The following TSPAN2 variants were observed in gnomAD, a reference collection of about 807,000 sequenced individuals.
TSPAN2 encodes the protein tetraspanin 2.
TSPAN2 carries 24 observed loss-of-function variants against 33.3 expected under a neutral mutation model. The ratio of observed to expected loss-of-function variants is 0.72; its 90% CI spans 0.52 to 1.01. The LOEUF is 1.01. Ranked by LOEUF, TSPAN2 falls within the 50% of genes least tolerant of loss-of-function variation. The pLI, the probability that TSPAN2 is intolerant of heterozygous loss-of-function variation, is 0.00. For missense variants in TSPAN2, 278 were observed against 281.3 expected, an observed-to-expected ratio of 0.99 and a Z score of 0.08; for synonymous variants, 114 against 104.5, an observed-to-expected ratio of 1.09 and a Z score of -0.56.
Position 115,064,415 on chromosome 1 carries a change from T to C in TSPAN2, c.173-2183A>G, listed in dbSNP as rs544504917. Among the ~76,000 whole-genome samples, 12 of 152,360 alleles carry C rather than the reference T, an allele frequency of 7.9e-5. No individual in the cohort carries two copies. The East Asian group carries it at 2.3e-3, about 29-fold the overall frequency. On this transcript the variant is annotated intron_variant, in intron 2 of 7. Transcript: ENST00000369516. ...CTACATGATGCCGTTTGCAGATCTA[T>C]CATGAAGTCACAGCCTACAGAACAG...
rs766937247 is a variant in TSPAN2 at position 115,089,427 on chromosome 1, C to T, written c.6G>A (p.Gly2=). 1 of 1,572,242 alleles carries T rather than the reference C, an allele frequency of 6.4e-7. No individual in the cohort carries two copies. M[G]RFRGGLRCIK... The stretch of plus-strand genomic sequence containing the variant: ...TGCACCGCAGGCCCCCGCGGAAGCG[C>T]CCCATGCTGCGGCCCGGCGGCGGGA... The change falls in exon 1 of 8, where the codon GGG becomes GGA. Residue 2 remains glycine (G), a synonymous_variant. Transcript: ENST00000369516.
rs577501683 is a variant in TSPAN2, at chr1:115,048,628, G to A, written c.*1862C>T. 13 of 152,108 alleles carry A rather than the reference G, an allele frequency of 8.5e-5. No individual in the cohort carries two copies. Among genetic ancestry groups the A allele is most frequent in the African/African-American group, 1.7e-4 (7 of 41,538 alleles). 9.4% of individuals were successfully genotyped at this position (152,108 alleles called of 1,614,324 possible). Reference sequence around the variant, plus strand: ...GATGATTCTGAGTTGGAAAGAACCCGAGTATGCACTTGGGCCTGTTTCCTG... The same window carrying A: ...GATGATTCTGAGTTGGAAAGAACCCAAGTATGCACTTGGGCCTGTTTCCTG... On this transcript the variant is annotated 3_prime_UTR_variant, in exon 8 of 8. Coordinates refer to ENST00000369516, the MANE Select transcript of TSPAN2 (RefSeq NM_005725.6).
chr1:115,049,901 G>C lies in TSPAN2; in HGVS notation c.*589C>G, dbSNP rs1344583658. On this transcript the variant is annotated 3_prime_UTR_variant, in exon 8 of 8. Coordinates refer to ENST00000369516, the MANE Select transcript of TSPAN2 (RefSeq NM_005725.6). ...TTTCCATGCTATATTTAGTTTTACA[G>C]ATGTGTTTAGTTCTAAAACTGTGGT... 6.6e-6 allele frequency: 1 copy of C among 152,592 alleles called. No homozygotes were observed. Among genetic ancestry groups the C allele is most frequent in the Non-Finnish European group, 1.5e-5 (1 of 68,064 alleles). The allele number at this position is 152,592 out of a possible 1,614,324, so 9.5% of individuals were successfully genotyped here. A position where few individuals can be genotyped will look rare whatever the true frequency, so the allele number is the denominator to read the frequency against.
chr1:115,089,295 G>C (rs1470549358), intron 1 of TSPAN2, 69 bp downstream of exon 1: 8 of 1,397,436 alleles, frequency 5.7e-6, no homozygotes, highest in South Asian at 2.6e-5. Context: ...TCAGCAGCTC[G>C]GGGACCCCGG....
intron 1 of TSPAN2, 49 bp downstream of exon 1, chr1:115,089,315 C>CCCCCCCCCGCCCCCA: frequency 3.5e-6 from 5 of 1,435,380 alleles, no homozygotes; most frequent in Non-Finnish European, 4.7e-6. Flanking sequence ...GCCCCGCGCC[C>CCCCCCCCCGCCCCCA]GCCACCCGGC....
In TSPAN2 at chr1:115,086,716, C is replaced by T. The variant is rs114220646; in HGVS notation, c.69+2648G>A. 8.5e-3 allele frequency among the ~76,000 whole-genome samples: 1,287 copies of T among 152,300 alleles called. 20 individuals are homozygous for T. The highest frequency in any genetic ancestry group is 0.029 in the African/African-American group (1,207 of 41,570). Reference sequence around the variant, plus strand: ...TGTGTTGTTCCATATCCACTGGTCTCGTTTCCTCAATGAGATGAGCAGCTT... The same window carrying T: ...TGTGTTGTTCCATATCCACTGGTCTTGTTTCCTCAATGAGATGAGCAGCTT... On this transcript the variant is annotated intron_variant, in intron 1 of 7. Coordinates refer to ENST00000369516, the MANE Select transcript of TSPAN2 (RefSeq NM_005725.6).
intron 1 of TSPAN2, among the ~76,000 whole-genome samples, chr1:115,085,940 A>T (rs1170755519): frequency 6.6e-6 from 1 of 152,212 alleles, no homozygotes; most frequent in Non-Finnish European, 1.5e-5. Flanking sequence ...CAGAAAAAAC[A>T]AAATTCCTGC....
Position 115,053,444 on chromosome 1 carries a change from C to G in TSPAN2, c.535G>C (p.Glu179Gln). Residue 179 changes from glutamate to glutamine, a missense_variant, in exon 7 of 8, where the codon GAG (glutamate) becomes CAG (glutamine). Glu to Gln is a conservative substitution (Grantham distance 29). Transcript: ENST00000369516. ...TGGAGCTTAACACTGATTATGGTCT[C>G]AATTTCATCGATGCAATTCTGTTTT... The part of the protein sequence containing the change: ...LGHKNCIDEI[E>Q]TIISVKLQLI... 4 of 1,613,840 alleles carry G rather than the reference C, an allele frequency of 2.5e-6. No homozygotes were observed. The highest frequency in any genetic ancestry group is 1.3e-5 in the African/African-American group (1 of 75,014).
intron 5 of TSPAN2, chr1:115,058,096 G>C (rs535738125): frequency 6.0e-6 from 1 of 167,964 alleles, no homozygotes; most frequent in Admixed American, 5.7e-5. Flanking sequence ...TCCTGCTTAG[G>C]CTAGCTGGCC....
intron 2 of TSPAN2, among the ~76,000 whole-genome samples, chr1:115,067,567 G>A (rs943750199): frequency 6.6e-6 from 1 of 152,150 alleles, no homozygotes; most frequent in Non-Finnish European, 1.5e-5. Context: ...AAAAAAATAT[G>A]ACCAGCGTGA....
intron 6 of TSPAN2, among the ~76,000 whole-genome samples, 197 bp downstream of exon 6, chr1:115,057,340 C>G (rs903692075): frequency 2.0e-5 from 3 of 152,234 alleles, no homozygotes; most frequent in Non-Finnish European, 4.4e-5. Context: ...TCTTTAACAT[C>G]TCTTGCTAAC....
intron 2 of TSPAN2, among the ~76,000 whole-genome samples, chr1:115,065,400 A>G (rs1165242637): frequency 6.6e-6 from 1 of 152,192 alleles, no homozygotes; most frequent in Admixed American, 6.5e-5. Flanking sequence ...CCACAGGAGC[A>G]GGTGTGACAA....
chr1:115,088,191 G>T (rs1648918286), intron 1 of TSPAN2, among the ~76,000 whole-genome samples: 1 of 152,194 alleles, frequency 6.6e-6, no homozygotes, highest in African/African-American at 2.4e-5. Flanking sequence ...GAAGAGCTTG[G>T]AGTTGCTGAA....
intron 1 of TSPAN2, 83 bp from the exon 2 acceptor site, chr1:115,073,090 CT>C (rs1419051083): frequency 8.7e-7 from 1 of 1,155,622 alleles, no homozygotes; most frequent in Non-Finnish European, 1.3e-6. Context: ...GCACAGGATG[CT>C]GACAAGGTCA....
chr1:115,072,477 G>C (rs1445868802), intron 2 of TSPAN2, among the ~76,000 whole-genome samples: 2 of 152,204 alleles, frequency 1.3e-5, no homozygotes, highest in East Asian at 3.9e-4. Flanking sequence ...TCCTACAGGG[G>C]TCCCGTGTCA....
chr1:115,075,038 C>A (rs778142252), intron 1 of TSPAN2, among the ~76,000 whole-genome samples: 1 of 152,138 alleles, frequency 6.6e-6, no homozygotes, highest in Non-Finnish European at 1.5e-5. Context: ...CAGCAGCCAC[C>A]GAGCAGACTG....
At chr1:115,059,211 T>A (rs769747017) in intron 4 of TSPAN2, among the ~76,000 whole-genome samples, 5 of 152,004 alleles carry the variant, frequency 3.3e-5, no homozygotes, top group Admixed American at 6.6e-5. Context: ...CACCAAAATC[T>A]CAGAAATCCC....
intron 4 of TSPAN2, among the ~76,000 whole-genome samples, chr1:115,059,498 T>C (rs6537850): frequency 0.92 from 140,713 of 152,276 alleles, 65,036 homozygotes; most frequent in East Asian, 1. Flanking sequence ...CCAGATGATT[T>C]GGATGCATAG....
chr1:115,076,080 G>A (rs144127539), intron 1 of TSPAN2, among the ~76,000 whole-genome samples: 72 of 152,334 alleles, frequency 4.7e-4, no homozygotes, highest in South Asian at 1.0e-3. Context: ...AAGAGGAACA[G>A]CATGCACACT....
Sources: allele counts gnomAD v4.1 joint callset (sites outside exome capture counted in the v4.1 genomes callset), GRCh38; gene constraint gnomAD v4.1.1; transcripts MANE v1.5; gene names NCBI Gene and HGNC (gene_info 2026-07-23, HGNC 2026-07-21).